Variants in RALGAPB observed in about 807,000 individuals in gnomAD.
The protein encoded by RALGAPB is Ral GTPase activating protein non-catalytic subunit beta, also known as ral GTPase-activating protein subunit beta.
RALGAPB carries 25 observed loss-of-function variants against 161.1 expected under a neutral mutation model. The observed-to-expected ratio is 0.16, with a 90% confidence interval of 0.11 to 0.22. The LOEUF is 0.22. RALGAPB is among the 10% of genes least tolerant of loss of function. The probability of loss-of-function intolerance (pLI) is 1.00; values close to 1 mark genes in which losing one functional copy is unlikely to be tolerated. For synonymous variants in RALGAPB, 629 were observed against 626.1 expected (o/e 1.00, Z -0.07); for missense variants, 1,391 against 1,815.2 (o/e 0.77, Z 4.25).
intron 29 of RALGAPB, 126 bp downstream of exon 29, chr20:38,574,424 G>A: frequency 8.9e-7 from 1 of 1,126,016 alleles, no homozygotes; most frequent in East Asian, 2.5e-5. Context: ...AAATGGTATG[G>A]CTCTTGTTAA....
chr20:38,542,608 A>G (rs1262243943), intron 18 of RALGAPB, among the ~76,000 whole-genome samples: 1 of 152,142 alleles, frequency 6.6e-6, no homozygotes, highest in Non-Finnish European at 1.5e-5. Context: ...TAAAAGTGTC[A>G]TAGGGCTGGG....
intron 18 of RALGAPB, 90 bp from the exon 19 acceptor site, chr20:38,546,153 T>C (rs1045750544): frequency 1.3e-6 from 2 of 1,581,382 alleles, no homozygotes; most frequent in African/African-American, 2.7e-5. Flanking sequence ...CAATTAAAAT[T>C]CAGAAGAGTG....
chr20:38,546,239 A>G lies in RALGAPB; in HGVS notation c.2715-4A>G, dbSNP rs772641313. Reference sequence around the variant, plus strand: ...TTAACTGTTATCTTTTCCATTCTCCATAGCATTATGCAGTTGCTCGGCGCA... The same window carrying G: ...TTAACTGTTATCTTTTCCATTCTCCGTAGCATTATGCAGTTGCTCGGCGCA... On this transcript the variant is annotated splice_region_variant and splice_polypyrimidine_tract_variant and intron_variant, in intron 18 of 29. Transcript: ENST00000262879. The G allele has an allele frequency of 6.8e-6, 11 of 1,613,908 alleles. No homozygotes were observed. In the South Asian group the frequency reaches 7.7e-5, roughly 11 times the overall value.
intron 1 of RALGAPB, 21 bp downstream of exon 1, chr20:38,473,090 G>T: frequency 5.7e-6 from 2 of 348,844 alleles, no homozygotes; most frequent in Non-Finnish European, 1.0e-5. Flanking sequence ...AGCCGGCCCC[G>T]CCGCGGCCGG....
chr20:38,545,030 T>G (rs1395941250), intron 18 of RALGAPB, among the ~76,000 whole-genome samples: 1 of 152,206 alleles, frequency 6.6e-6, no homozygotes, highest in Non-Finnish European at 1.5e-5. Context: ...CCTCATTATT[T>G]TTAGTCTTTA....
At chr20:38,542,652 T>TGG (rs968225903) in intron 18 of RALGAPB, among the ~76,000 whole-genome samples, 1 of 151,788 alleles carries the variant, frequency 6.6e-6, no homozygotes, top group African/African-American at 2.4e-5. Flanking sequence ...CCGAGGCGGG[T>TGG]GGATCACAGG....
chr20:38,523,628 A>G (rs892139142), intron 10 of RALGAPB, among the ~76,000 whole-genome samples: 12 of 152,248 alleles, frequency 7.9e-5, no homozygotes, highest in African/African-American at 2.7e-4. Flanking sequence ...CTAGACATCC[A>G]GATATCCAGT....
rs201719147 is a variant in RALGAPB, at chr20:38,525,916, A to G, written c.1924A>G (p.Ser642Gly). The change falls in exon 13 of 30, where the codon AGT becomes GGT. Residue 642 changes from serine (S) to glycine (G), a missense_variant. Physicochemically the swap from Ser to Gly is moderately conservative, Grantham distance 56. Coordinates refer to ENST00000262879, the MANE Select transcript of RALGAPB (RefSeq NM_020336.4). Reference protein sequence around the residue: ...KSEVVLEGKFSNDDSSSYDKP... With the variant: ...KSEVVLEGKFGNDDSSSYDKP... Reference sequence around the variant, plus strand: ...ATAGGTGGTCCTGGAAGGAAAGTTTAGTAACGATGACAGCTCTTCTTATGA... The same window carrying G: ...ATAGGTGGTCCTGGAAGGAAAGTTTGGTAACGATGACAGCTCTTCTTATGA... 8.7e-6 allele frequency: 14 copies of G among 1,612,776 alleles called. No homozygotes were observed. In the Admixed American group the frequency reaches 1.5e-4, roughly 17 times the overall value.
chr20:38,513,998 T>G (rs567212418), intron 6 of RALGAPB, among the ~76,000 whole-genome samples: 3 of 152,292 alleles, frequency 2.0e-5, no homozygotes, highest in Admixed American at 6.5e-5. Context: ...GAGTCTTTTT[T>G]AGAGGTAGTA....
At chr20:38,537,532 T>G (rs891180838) in intron 16 of RALGAPB, among the ~76,000 whole-genome samples, 1 of 152,200 alleles carries the variant, frequency 6.6e-6, no homozygotes, top group South Asian at 2.1e-4. Flanking sequence ...GACCTTGGGA[T>G]AGATTTCTTA....
intron 3 of RALGAPB, among the ~76,000 whole-genome samples, chr20:38,495,320 G>T (rs1407538392): frequency 6.6e-6 from 1 of 151,988 alleles, no homozygotes; most frequent in East Asian, 1.9e-4. Context: ...AAGATTGAGT[G>T]AAGAGTAAAT....
In RALGAPB at chr20:38,575,384, A is replaced by G. The variant is rs2088398796; in HGVS notation, c.*417A>G. ...TTGTATTCAAAATTAAAATCTCAGA[A>G]TCTTACAGGACATTTAAAGACTCAT... On this transcript the variant is annotated 3_prime_UTR_variant, in exon 30 of 30. Coordinates refer to ENST00000262879, the MANE Select transcript of RALGAPB (RefSeq NM_020336.4). 1 of 172,768 alleles carries G rather than the reference A, an allele frequency of 5.8e-6. No individual in the cohort carries two copies. Among genetic ancestry groups the G allele is most frequent in the South Asian group, 1.4e-4 (1 of 7,322 alleles). The allele number at this position is 172,768 out of a possible 1,614,324, so 10.7% of individuals were successfully genotyped here.
chr20:38,558,506 G>C, intron 23 of RALGAPB, 53 bp downstream of exon 23: 1 of 1,370,390 alleles, frequency 7.3e-7, no homozygotes, highest in Non-Finnish European at 9.7e-7. Context: ...ATAAATACAC[G>C]TCTAAAGAAA....
chr20:38,499,537 C>T lies in RALGAPB; in HGVS notation c.644C>T (p.Pro215Leu). The T allele has an allele frequency of 1.2e-6, 2 of 1,613,984 alleles. No homozygotes were observed. Among genetic ancestry groups the T allele is most frequent in the Non-Finnish European group, 1.7e-6 (2 of 1,179,960 alleles). Residue 215 changes from proline to leucine, a missense_variant, in exon 5 of 30, where the codon CCT (proline) becomes CTT (leucine). Pro to Leu is a moderately conservative substitution (Grantham distance 98). Transcript: ENST00000262879. ...LACTRCFPTP[P>L]YWKTAKEMVA... The stretch of plus-strand genomic sequence containing the variant: ...TGTACTCGGTGCTTCCCAACACCTC[C>T]TTATTGGAAAACAGCCAAGGAGATG...
intron 16 of RALGAPB, chr20:38,537,938 A>G (rs1477564807): frequency 1.3e-5 from 2 of 152,374 alleles, no homozygotes; most frequent in Non-Finnish European, 2.9e-5. Flanking sequence ...TGGTGAAAAG[A>G]ACCACCGGAT....
rs777511742 is a variant in RALGAPB at position 38,570,004 on chromosome 20, A to G, written c.4063+8A>G. 12 of 1,596,698 alleles carry G rather than the reference A, an allele frequency of 7.5e-6. No individual in the cohort carries two copies. The Admixed American group carries it at 8.4e-5, about 11-fold the overall frequency. The stretch of plus-strand genomic sequence containing the variant: ...AACGCTATGATGATATAGGTACTGT[A>G]TGAGGACTTTGTCCATAAATAAAAT... On this transcript the variant is annotated splice_region_variant and intron_variant, in intron 27 of 29. Coordinates refer to ENST00000262879, the MANE Select transcript of RALGAPB (RefSeq NM_020336.4).
intron 6 of RALGAPB, among the ~76,000 whole-genome samples, chr20:38,513,565 G>C (rs1333363802): frequency 6.6e-6 from 1 of 151,490 alleles, no homozygotes; most frequent in Non-Finnish European, 1.5e-5. Flanking sequence ...CACAGGGATT[G>C]CTTGAACCCG....
chr20:38,565,228 TA>T, intron 24 of RALGAPB, 130 bp from the exon 25 acceptor site: 1 of 1,007,168 alleles, frequency 9.9e-7, no homozygotes, highest in South Asian at 2.0e-5. Flanking sequence ...TCTTTCATAC[TA>T]ATTGGTTCTT....
rs1376165561 is a variant in RALGAPB, at chr20:38,516,252, G to A, written c.933G>A (p.Gln311=). 1.9e-6 allele frequency: 3 copies of A among 1,613,338 alleles called. No homozygotes were observed. Among genetic ancestry groups the A allele is most frequent in the Non-Finnish European group, 2.5e-6 (3 of 1,179,522 alleles). The change falls in exon 7 of 30, where the codon CAG becomes CAA. Residue 311 remains glutamine, a synonymous_variant. Coordinates refer to ENST00000262879, the MANE Select transcript of RALGAPB (RefSeq NM_020336.4). ...GCTCTACTCCCAAATTTCAGGAACA[G>A]TTCTTGAATGTGAGCGGAATGCCGC... ...IISSTPKFQE[Q]FLNVSGMPQE...
Sources: gnomAD v4.1 joint callset for allele counts (sites outside exome capture counted in the v4.1 genomes callset) on GRCh38, gnomAD v4.1.1 for gene constraint, MANE v1.5 for transcripts, NCBI Gene and HGNC (gene_info 2026-07-23, HGNC 2026-07-21) for gene names.